The following RABEP1 variants were observed in gnomAD, a reference collection of about 807,000 sequenced individuals.
RABEP1 encodes rab GTPase-binding effector protein 1.
Under a neutral mutation model 123.4 loss-of-function variants are expected in RABEP1, and 51 were observed. That is an observed-to-expected ratio of 0.41 (90% CI 0.33 to 0.52). The LOEUF (loss-of-function observed/expected upper bound fraction) is 0.52, where lower values mean the gene tolerates loss of function less well. Ranked by LOEUF, RABEP1 falls within the 20% of genes least tolerant of loss-of-function variation. The probability of loss-of-function intolerance (pLI) is 0.16; values close to 1 mark genes in which losing one functional copy is unlikely to be tolerated. For synonymous variants in RABEP1, 347 were observed against 355.2 expected (o/e 0.98, Z 0.26); for missense variants, 888 against 996.3 (o/e 0.89, Z 1.46).
intron 1 of RABEP1, among the ~76,000 whole-genome samples, chr17:5,305,173 C>T (rs1393568015): frequency 3.9e-5 from 6 of 151,994 alleles, no homozygotes; most frequent in Non-Finnish European, 5.9e-5. Context: ...ATCGATTTGT[C>T]TCGATGTTGT....
At chr17:5,365,276 G>C (rs1597387879) in intron 11 of RABEP1, 38 bp downstream of exon 11, 2 of 1,309,046 alleles carry the variant, frequency 1.5e-6, no homozygotes, top group Non-Finnish European at 2.1e-6. Context: ...CATGAGGGAT[G>C]ACTGGGTTAT....
rs751414592 is a variant in RABEP1 at position 5,363,053 on chromosome 17, C to G, written c.1668+37C>G. 6 of 1,490,070 alleles carry G rather than the reference C, an allele frequency of 4.0e-6. No homozygotes were observed. The East Asian group carries it at 1.4e-4, about 34-fold the overall frequency. 92.3% of individuals were successfully genotyped at this position (1,490,070 alleles called of 1,614,324 possible). On this transcript the variant is annotated intron_variant, in intron 10 of 17. Transcript: ENST00000537505. ...CTGGATGCGCCAAATTGGATATTGT[C>G]GTTTTCATTGGAGGTGCAGAATTAA... is the stretch of plus-strand genomic sequence containing the variant.
intron 15 of RABEP1, 139 bp from the exon 16 acceptor site, chr17:5,380,225 A>C (rs1911335631): frequency 3.3e-6 from 2 of 607,054 alleles, no homozygotes; most frequent in South Asian, 2.1e-5. Flanking sequence ...GGGGATCCAC[A>C]GAGCTGAAAG....
chr17:5,294,710 C>T (rs1346498798), intron 1 of RABEP1, among the ~76,000 whole-genome samples: 3 of 123,000 alleles, frequency 2.4e-5, no homozygotes, highest in Admixed American at 2.2e-4. Context: ...TGCAGTGGCG[C>T]GATCTCGGCT....
intron 8 of RABEP1, chr17:5,356,608 T>C: frequency 6.0e-6 from 1 of 167,798 alleles, no homozygotes; most frequent in East Asian, 1.1e-4. Context: ...TTATTTTCTT[T>C]TCCAGAGATA....
chr17:5,337,434 C>CCAG (rs1278012703), intron 4 of RABEP1, among the ~76,000 whole-genome samples: 2 of 152,050 alleles, frequency 1.3e-5, no homozygotes, highest in Non-Finnish European at 2.9e-5. Flanking sequence ...GCCTGTAATC[C>CCAG]CAGCACTTTG....
chr17:5,338,005 C>A lies in RABEP1; in HGVS notation c.529-14C>A, dbSNP rs1436905555. ...AATGAATAAGTCGTAGCATTTAATT[C>A]TTTTTAACCATAGGCCCAAGAGGAT... On this transcript the variant is annotated splice_polypyrimidine_tract_variant and intron_variant, in intron 4 of 17. Coordinates refer to ENST00000537505, the MANE Select transcript of RABEP1 (RefSeq NM_004703.6). 1.3e-6 allele frequency: 2 copies of A among 1,596,738 alleles called. No homozygotes were observed. The highest frequency in any genetic ancestry group is 2.2e-5 in the East Asian group (1 of 44,624).
chr17:5,312,905 G>C (rs1414541907), intron 2 of RABEP1, among the ~76,000 whole-genome samples: 1 of 152,118 alleles, frequency 6.6e-6, no homozygotes, highest in Non-Finnish European at 1.5e-5. Context: ...TCAGGAGTTA[G>C]AGTCCGGCCT....
At chr17:5,329,655 C>T (rs188120840) in intron 2 of RABEP1, among the ~76,000 whole-genome samples, 13 of 152,184 alleles carry the variant, frequency 8.5e-5, no homozygotes, top group South Asian at 2.1e-4. Flanking sequence ...ATTACATATA[C>T]AGCAGTAAAA....
intron 4 of RABEP1, 64 bp downstream of exon 4, chr17:5,335,408 T>C (rs1906978999): frequency 7.2e-7 from 1 of 1,380,784 alleles, no homozygotes; most frequent in South Asian, 1.3e-5. Flanking sequence ...TTTAATATTG[T>C]TGTGTAATAG....
intron 1 of RABEP1, among the ~76,000 whole-genome samples, chr17:5,295,528 C>G (rs1259818780): frequency 6.7e-6 from 1 of 149,690 alleles, no homozygotes; most frequent in East Asian, 2.0e-4. Flanking sequence ...GGCAAACATC[C>G]TGATACATGT....
At chr17:5,382,543 G>GT (rs1404526267) in intron 17 of RABEP1, among the ~76,000 whole-genome samples, 2 of 150,000 alleles carry the variant, frequency 1.3e-5, no homozygotes, top group African/African-American at 2.4e-5. Flanking sequence ...GAGGTCAGGA[G>GT]TTTGAGACCA....
intron 15 of RABEP1, 74 bp downstream of exon 15, chr17:5,378,306 A>C: frequency 7.3e-7 from 1 of 1,371,944 alleles, no homozygotes; most frequent in Non-Finnish European, 1.0e-6. Flanking sequence ...GCTGCACCCA[A>C]CGAATAAAAA....
chr17:5,327,297 G>A (rs1906070995), intron 2 of RABEP1, among the ~76,000 whole-genome samples: 1 of 150,584 alleles, frequency 6.6e-6, no homozygotes, highest in Non-Finnish European at 1.5e-5. Flanking sequence ...GCAGTGAGCC[G>A]AGATCATGCC....
intron 5 of RABEP1, 49 bp downstream of exon 5, chr17:5,338,187 A>C: frequency 6.4e-7 from 1 of 1,551,240 alleles, no homozygotes; most frequent in Non-Finnish European, 8.8e-7. Context: ...TTTCTGCCCC[A>C]ATGCCATGAA....
At chr17:5,377,590 G>C (rs911261653) in intron 14 of RABEP1, among the ~76,000 whole-genome samples, 1 of 145,646 alleles carries the variant, frequency 6.9e-6, no homozygotes, top group African/African-American at 2.6e-5. Flanking sequence ...GCAATGGCGC[G>C]ATCTTGGCTC....
intron 1 of RABEP1, among the ~76,000 whole-genome samples, chr17:5,286,115 G>A (rs1261438089): frequency 1.3e-5 from 2 of 152,174 alleles, no homozygotes; most frequent in Non-Finnish European, 2.9e-5. Context: ...ACTTGCCAAC[G>A]ATATATGGCA....
At chr17:5,287,378 C>T (rs1365700364) in intron 1 of RABEP1, among the ~76,000 whole-genome samples, 4 of 152,072 alleles carry the variant, frequency 2.6e-5, no homozygotes, top group Non-Finnish European at 5.9e-5. Context: ...GCAGGTGGAT[C>T]ACCTGAGGTC....
At chr17:5,343,146 G>C (rs145655222) in intron 5 of RABEP1, among the ~76,000 whole-genome samples, 1,920 of 152,254 alleles carry the variant, frequency 0.013, 41 homozygotes, top group African/African-American at 0.043. Flanking sequence ...CAGCTACTTG[G>C]GGGGCTGAGG....
Sources: allele counts gnomAD v4.1 joint callset (sites outside exome capture counted in the v4.1 genomes callset), GRCh38; gene constraint gnomAD v4.1.1; transcripts MANE v1.5; gene names NCBI Gene and HGNC (gene_info 2026-07-23, HGNC 2026-07-21).